PCDH9: variants seen among roughly 807,000 people sequenced by gnomAD.
PCDH9 encodes the protein protocadherin-9.
PCDH9 carries 24 observed loss-of-function variants against 70.6 expected under a neutral mutation model. The ratio of observed to expected loss-of-function variants is 0.34; its 90% CI spans 0.25 to 0.48. The LOEUF (loss-of-function observed/expected upper bound fraction) is 0.48, where lower values mean the gene tolerates loss of function less well. Among genes scored for constraint, PCDH9 ranks in the 20% least tolerant of loss-of-function variants. The pLI, the probability that PCDH9 is intolerant of heterozygous loss-of-function variation, is 0.99. For synonymous variants in PCDH9, 562 were observed against 558.5 expected (o/e 1.01, Z -0.09); for missense variants, 1,281 against 1,503.6 (o/e 0.85, Z 2.45).
chr13:66,527,235 G>T, intron 4 of PCDH9, among the ~76,000 whole-genome samples: 1 of 151,460 alleles, frequency 6.6e-6, no homozygotes, highest in African/African-American at 2.4e-5. Context: ...GTGAAATATA[G>T]CTGGTCACCT....
At chr13:66,672,439 G>A (rs2078188489) in intron 3 of PCDH9, among the ~76,000 whole-genome samples, 1 of 152,192 alleles carries the variant, frequency 6.6e-6, no homozygotes, top group Non-Finnish European at 1.5e-5. Context: ...GTGCTATGGG[G>A]AAGAGCCCTC....
chr13:66,997,874 A>C (rs2139812929), intron 2 of PCDH9, among the ~76,000 whole-genome samples: 1 of 152,282 alleles, frequency 6.6e-6, no homozygotes, highest in Middle Eastern at 3.4e-3. Context: ...GGAACAAAAC[A>C]ACCAAACCAT....
chr13:66,394,429 A>C (rs938047781), intron 4 of PCDH9, among the ~76,000 whole-genome samples: 4 of 152,190 alleles, frequency 2.6e-5, no homozygotes, highest in Admixed American at 1.3e-4. Context: ...AATCGGACTA[A>C]AATATTGGGA....
intron 2 of PCDH9, among the ~76,000 whole-genome samples, chr13:66,922,162 G>T (rs2082646877): frequency 6.6e-6 from 1 of 151,220 alleles, no homozygotes; most frequent in African/African-American, 2.4e-5. Context: ...AGTCAATCTT[G>T]TGATTGACTG....
At chr13:67,025,250 C>A (rs1443477475) in intron 2 of PCDH9, among the ~76,000 whole-genome samples, 1 of 152,056 alleles carries the variant, frequency 6.6e-6, no homozygotes, top group Non-Finnish European at 1.5e-5. Context: ...TTTGACCCTT[C>A]TGTGAAAAGC....
At chr13:66,750,555 C>T (rs1359097022) in intron 3 of PCDH9, among the ~76,000 whole-genome samples, 1 of 151,746 alleles carries the variant, frequency 6.6e-6, no homozygotes, top group Non-Finnish European at 1.5e-5. Context: ...CTCACTCTCT[C>T]CAAAATCCAT....
At chr13:66,320,218 A>T (rs559678911) in intron 4 of PCDH9, among the ~76,000 whole-genome samples, 1 of 152,198 alleles carries the variant, frequency 6.6e-6, no homozygotes, top group African/African-American at 2.4e-5. Context: ...GGAAGTAAAA[A>T]TTTATGCTGG....
intron 2 of PCDH9, among the ~76,000 whole-genome samples, chr13:67,193,952 C>G (rs1191768881): frequency 3.3e-5 from 5 of 152,074 alleles, no homozygotes; most frequent in East Asian, 3.8e-4. Context: ...CATACATACA[C>G]AGAAACAAGA....
intron 2 of PCDH9, among the ~76,000 whole-genome samples, chr13:67,073,337 T>G (rs1434762950): frequency 1.3e-5 from 2 of 152,076 alleles, no homozygotes; most frequent in Non-Finnish European, 2.9e-5. Flanking sequence ...TTCAATAATA[T>G]TATGATGAAA....
At chr13:66,446,571 G>C (rs1336070218) in intron 4 of PCDH9, among the ~76,000 whole-genome samples, 2 of 152,048 alleles carry the variant, frequency 1.3e-5, no homozygotes, top group Admixed American at 1.3e-4. Flanking sequence ...AATGTTACTA[G>C]TTCTCTGTGC....
intron 3 of PCDH9, among the ~76,000 whole-genome samples, chr13:66,901,171 G>T (rs1216933009): frequency 6.6e-6 from 1 of 151,580 alleles, no homozygotes; most frequent in Admixed American, 6.6e-5. Context: ...TATTTTATAA[G>T]AAATTTCAGA....
At chr13:66,830,646 T>C (rs2080909461) in intron 3 of PCDH9, among the ~76,000 whole-genome samples, 1 of 152,208 alleles carries the variant, frequency 6.6e-6, no homozygotes, top group South Asian at 2.1e-4. Context: ...ATAGTAAAAT[T>C]CTTAAGCCAG....
At chr13:66,868,930 G>A (rs1001780683) in intron 3 of PCDH9, among the ~76,000 whole-genome samples, 1 of 152,014 alleles carries the variant, frequency 6.6e-6, no homozygotes, top group Admixed American at 6.6e-5. Context: ...ATAAATATAC[G>A]CTTAAGAACT....
At chr13:66,871,793 A>G (rs778329529) in intron 3 of PCDH9, among the ~76,000 whole-genome samples, 2 of 152,118 alleles carry the variant, frequency 1.3e-5, no homozygotes, top group Non-Finnish European at 2.9e-5. Flanking sequence ...CGGCAGGCAG[A>G]CAAAGTCAAT....
intron 2 of PCDH9, among the ~76,000 whole-genome samples, chr13:67,066,209 C>T (rs1331832307): frequency 6.6e-6 from 1 of 151,210 alleles, no homozygotes; most frequent in Non-Finnish European, 1.5e-5. Context: ...GCTTAACAGT[C>T]ATTAAACAGC....
intron 3 of PCDH9, among the ~76,000 whole-genome samples, chr13:66,833,980 T>C (rs2080972091): frequency 6.6e-6 from 1 of 152,162 alleles, no homozygotes; most frequent in African/African-American, 2.4e-5. Flanking sequence ...TACCAAAATA[T>C]CTGTTTCTAT....
chr13:66,943,015 C>T (rs976983197), intron 2 of PCDH9, among the ~76,000 whole-genome samples: 1 of 151,696 alleles, frequency 6.6e-6, no homozygotes, highest in African/African-American at 2.4e-5. Context: ...TTTACTTAAC[C>T]TTATTTGATA....
intron 3 of PCDH9, among the ~76,000 whole-genome samples, chr13:66,900,089 C>G (rs2082252669): frequency 6.6e-6 from 1 of 151,842 alleles, no homozygotes; most frequent in Non-Finnish European, 1.5e-5. Context: ...CATAGGTAAT[C>G]TCTGGTCTCT....
chr13:67,003,029 T>C (rs182145957), intron 2 of PCDH9, among the ~76,000 whole-genome samples: 95 of 152,176 alleles, frequency 6.2e-4, no homozygotes, highest in Non-Finnish European at 8.5e-4. Context: ...AATTTAGAGA[T>C]GATGTTAATG....
Sources: gnomAD v4.1 joint callset for allele counts (sites outside exome capture counted in the v4.1 genomes callset) on GRCh38, gnomAD v4.1.1 for gene constraint, MANE v1.5 for transcripts, NCBI Gene and HGNC (gene_info 2026-07-23, HGNC 2026-07-21) for gene names.